Variants in ARHGAP17 observed in about 807,000 individuals in gnomAD.
The protein encoded by ARHGAP17 is Rho GTPase activating protein 17.
In ARHGAP17, 57 loss-of-function variants were observed where a neutral mutation model predicts 99.5. The observed-to-expected ratio is 0.57, with a 90% CI of 0.46 to 0.71. ARHGAP17 has a LOEUF of 0.71. Ranked by LOEUF, ARHGAP17 falls within the 30% of genes least tolerant of loss-of-function variation. ARHGAP17 has a pLI of 0.00. For synonymous variants in ARHGAP17, 417 were observed against 429.6 expected (o/e 0.97, Z 0.36); for missense variants, 1,000 against 1,122.4 (o/e 0.89, Z 1.56).
intron 9 of ARHGAP17, among the ~76,000 whole-genome samples, chr16:24,959,207 T>C (rs1360878117): frequency 1.3e-5 from 2 of 152,222 alleles, no homozygotes; most frequent in Non-Finnish European, 2.9e-5. Context: ...TAGGATTCAA[T>C]CACACTTATT....
intron 6 of ARHGAP17, among the ~76,000 whole-genome samples, chr16:24,966,033 T>C (rs373194364): frequency 3.3e-5 from 5 of 152,376 alleles, no homozygotes; most frequent in East Asian, 1.9e-4. Context: ...ATGAGATACA[T>C]GCACTCAAGA....
intron 1 of ARHGAP17, among the ~76,000 whole-genome samples, chr16:25,006,381 C>G (rs1383519533): frequency 6.9e-6 from 1 of 145,310 alleles, no homozygotes; most frequent in South Asian, 2.1e-4. Flanking sequence ...ACCCGGGAGA[C>G]AGAGGTTGCA....
At position 24,968,693 on chromosome 16, in the gene ARHGAP17, C is replaced by G. The variant is rs1555465130; in HGVS notation, c.352G>C (p.Glu118Gln). 6 of 1,614,238 alleles carry G rather than the reference C, an allele frequency of 3.7e-6. No homozygotes were observed. The highest frequency in any genetic ancestry group is 4.2e-6 in the Non-Finnish European group (5 of 1,180,054). The change falls in exon 5 of 20, where the codon GAG (glutamate) becomes CAG (glutamine). Residue 118 changes from glutamate (E) to glutamine (Q), a missense_variant. By Grantham distance (29) the Glu-to-Gln change is conservative. This residue lies in a region of ARHGAP17 where 472 missense variants were observed against 611.1 expected (regional missense o/e 0.77). Transcript: ENST00000289968. ...LSQHEVFVEK[E>Q]IVDPLYGIAE... ...ATGCCGTACAGAGGGTCCACGATCTCCTTCTCAACAAAGACTTCGTGCTGG... is the reference window on the plus strand; with the variant it reads ...ATGCCGTACAGAGGGTCCACGATCTGCTTCTCAACAAAGACTTCGTGCTGG...
rs2051238498 is a variant in ARHGAP17, at chr16:24,939,234, G to A, written c.1724+130C>T. ...TTTTTCCATCTTTTGCCAACCAGAG[G>A]AGTGAAAGTAAATCTGTTCACTCCA... On this transcript the variant is annotated intron_variant, in intron 17 of 19. Transcript: ENST00000289968. The A allele has an allele frequency of 1.3e-5, 10 of 780,940 alleles. No homozygotes were observed. In the South Asian group the frequency reaches 1.8e-4, roughly 14 times the overall value. The allele number at this position is 780,940 out of a possible 1,614,324, so 48.4% of individuals were successfully genotyped here. A position where few individuals can be genotyped will look rare whatever the true frequency, so the allele number is the denominator to read the frequency against.
At chr16:24,952,433 A>G (rs2051672007) in intron 11 of ARHGAP17, 63 bp from the exon 12 acceptor site, 2 of 1,321,218 alleles carry the variant, frequency 1.5e-6, no homozygotes, top group Non-Finnish European at 2.1e-6. Flanking sequence ...CTTGGGACAT[A>G]TTATTTTGCA....
intron 1 of ARHGAP17, among the ~76,000 whole-genome samples, chr16:24,988,221 T>C (rs532672991): frequency 2.6e-4 from 39 of 152,296 alleles, no homozygotes; most frequent in Non-Finnish European, 5.6e-4. Flanking sequence ...TCTACTTAAT[T>C]GGATTTTTAA....
At chr16:24,930,147 C>A (rs1163811760) in intron 19 of ARHGAP17, among the ~76,000 whole-genome samples, 1 of 152,176 alleles carries the variant, frequency 6.6e-6, no homozygotes, top group African/African-American at 2.4e-5. Context: ...TGTACAATCA[C>A]CACCACTTCC....
At chr16:24,991,182 CA>C (rs1324030995) in intron 1 of ARHGAP17, among the ~76,000 whole-genome samples, 1 of 152,130 alleles carries the variant, frequency 6.6e-6, no homozygotes, top group Non-Finnish European at 1.5e-5. Context: ...TTCACATGTG[CA>C]CCTTACTAAG....
intron 12 of ARHGAP17, among the ~76,000 whole-genome samples, chr16:24,951,895 T>TA (rs1348457825): frequency 6.6e-6 from 1 of 152,202 alleles, no homozygotes; most frequent in Non-Finnish European, 1.5e-5. Context: ...CCATGCTGTT[T>TA]AAAGGCCAAC....
intron 13 of ARHGAP17, among the ~76,000 whole-genome samples, chr16:24,947,997 G>A (rs1291442707): frequency 6.6e-6 from 1 of 152,092 alleles, no homozygotes; most frequent in African/African-American, 2.4e-5. Context: ...CTTTATGGTG[G>A]AATTATAAAA....
intron 15 of ARHGAP17, among the ~76,000 whole-genome samples, chr16:24,942,499 G>A (rs545913767): frequency 3.9e-5 from 6 of 152,276 alleles, no homozygotes; most frequent in Non-Finnish European, 7.3e-5. Flanking sequence ...GGGTGTGGTG[G>A]CTCATGCCTG....
Position 24,955,510 on chromosome 16 carries a change from C to T in ARHGAP17, c.725-780G>A, listed in dbSNP as rs1215625138. The T allele has an allele frequency of 6.6e-6, 1 of 152,230 alleles. No homozygotes were observed. The highest frequency in any genetic ancestry group is 1.5e-5 in the Non-Finnish European group (1 of 68,056). The allele number at this position is 152,230 out of a possible 1,614,324, so 9.4% of individuals were successfully genotyped here. On this transcript the variant is annotated intron_variant, in intron 9 of 19. Coordinates refer to ENST00000289968, the MANE Select transcript of ARHGAP17 (RefSeq NM_001006634.3). The surrounding 1 kb of genome is among the most constrained non-coding windows in gnomAD (Gnocchi z 4.0). The stretch of plus-strand genomic sequence containing the variant: ...ACATATGAATTAGAATAAGAAGTAT[C>T]TGGTTGAATTTGGCCTGCCTGTGCA...
intron 1 of ARHGAP17, among the ~76,000 whole-genome samples, chr16:25,006,586 C>A (rs1403942885): frequency 6.6e-6 from 1 of 152,134 alleles, no homozygotes; most frequent in African/African-American, 2.4e-5. Flanking sequence ...TGCCCTAGGG[C>A]AGGGGTCACA....
chr16:24,973,534 G>A (rs2141334224), intron 3 of ARHGAP17, among the ~76,000 whole-genome samples: 1 of 152,320 alleles, frequency 6.6e-6, no homozygotes, highest in East Asian at 1.9e-4. Context: ...TTAGGTTTCA[G>A]AAATGAGGGC....
In ARHGAP17 at chr16:24,979,409, A is replaced by T. The variant is rs200015728; in HGVS notation, c.54-404T>A. Reference sequence around the variant, plus strand: ...ATTCCATTGCAGGAGGTCTAGAGACATGGCTTTGAGAAAACACTGTTCTAC... The same window carrying T: ...ATTCCATTGCAGGAGGTCTAGAGACTTGGCTTTGAGAAAACACTGTTCTAC... On this transcript the variant is annotated intron_variant, in intron 1 of 19. Transcript: ENST00000289968. Among the ~76,000 whole-genome samples, 195 of 152,346 alleles carry T rather than the reference A, an allele frequency of 1.3e-3. No homozygotes were observed. In the South Asian group the frequency reaches 0.028, roughly 22 times the overall value.
At position 24,968,759 on chromosome 16, in the gene ARHGAP17, T is replaced by A; in HGVS notation, c.286A>T (p.Thr96Ser). The change falls in exon 5 of 20, where the codon ACG becomes TCG. Residue 96 changes from threonine to serine, a missense_variant. Physicochemically the swap from Thr to Ser is moderately conservative, Grantham distance 58. Around this residue, in one of 2 missense-constraint regions of ARHGAP17, gnomAD observed 472 missense variants for 611.1 expected, o/e 0.77. Transcript: ENST00000289968. ...AGCTGATTCTCAGCATCTCCACACG[T>A]CTCCAGCATCTTCCTTTAAAAACAA... Reference protein sequence around the residue: ...EDSLLGKMLETCGDAENQLAL... With the variant: ...EDSLLGKMLESCGDAENQLAL... The A allele has an allele frequency of 6.2e-7, 1 of 1,614,096 alleles. No individual in the cohort carries two copies. The highest frequency in any genetic ancestry group is 8.5e-7 in the Non-Finnish European group (1 of 1,180,030).
intron 1 of ARHGAP17, among the ~76,000 whole-genome samples, chr16:24,991,024 G>A (rs1239921538): frequency 3.3e-5 from 5 of 152,256 alleles, no homozygotes; most frequent in Middle Eastern, 3.4e-3. Flanking sequence ...GGCCTTCACA[G>A]ACAGAGTAAA....
At chr16:24,976,293 C>T (rs2052513633) in intron 3 of ARHGAP17, among the ~76,000 whole-genome samples, 1 of 152,150 alleles carries the variant, frequency 6.6e-6, no homozygotes, top group South Asian at 2.1e-4. Flanking sequence ...TTGGAAGGCC[C>T]AGGTGGGAGG....
intron 1 of ARHGAP17, among the ~76,000 whole-genome samples, chr16:24,990,902 T>C (rs1233290261): frequency 6.6e-6 from 1 of 150,620 alleles, no homozygotes; most frequent in Non-Finnish European, 1.5e-5. Flanking sequence ...ACTAGAAGGG[T>C]AGCAGCCATA....
Sources: allele counts gnomAD v4.1 joint callset (sites outside exome capture counted in the v4.1 genomes callset), GRCh38; gene constraint gnomAD v4.1.1; regional missense constraint gnomAD v4.1.1; non-coding constraint Gnocchi (gnomAD v3.1); transcripts MANE v1.5; gene names NCBI Gene and HGNC (gene_info 2026-07-23, HGNC 2026-07-21).